The following WASF3 variants were observed in gnomAD, a reference collection of about 807,000 sequenced individuals.
WASF3 encodes WASP family member 3.
WASF3 carries 11 observed loss-of-function variants against 46.6 expected under a neutral mutation model. That is an observed-to-expected ratio of 0.24 (90% CI 0.15 to 0.39). WASF3 has a LOEUF of 0.39. Ranked by LOEUF, WASF3 falls within the 10% of genes least tolerant of loss-of-function variation. The pLI is 1.00. For synonymous variants in WASF3, 242 were observed against 259.7 expected (o/e 0.93, Z 0.65); for missense variants, 576 against 669.8 (o/e 0.86, Z 1.55).
At chr13:26,632,359 T>G (rs900058834) in intron 2 of WASF3, among the ~76,000 whole-genome samples, 2 of 152,194 alleles carry the variant, frequency 1.3e-5, no homozygotes, top group Admixed American at 1.3e-4. Flanking sequence ...AATACCTAGT[T>G]TATTGAGAGT....
intron 2 of WASF3, among the ~76,000 whole-genome samples, chr13:26,621,051 T>A (rs1881290457): frequency 6.6e-6 from 1 of 152,186 alleles, no homozygotes; most frequent in South Asian, 2.1e-4. Flanking sequence ...AAACGTCTGT[T>A]GAATAGCTTC....
chr13:26,639,939 T>G (rs1168209253), intron 2 of WASF3: 1 of 152,312 alleles, frequency 6.6e-6, no homozygotes. Context: ...CAGTGGGCTC[T>G]CAGCTTGGGG....
chr13:26,640,477 C>G (rs1439170927), intron 2 of WASF3: 4 of 151,754 alleles, frequency 2.6e-5, no homozygotes, highest in Non-Finnish European at 5.9e-5. Context: ...TTTTGGCTCA[C>G]TGCAATCTCT....
At chr13:26,636,127 A>G (rs1166000568) in intron 2 of WASF3, among the ~76,000 whole-genome samples, 3 of 152,254 alleles carry the variant, frequency 2.0e-5, no homozygotes, top group Admixed American at 1.3e-4. Flanking sequence ...GGTGGAGTCT[A>G]TAGAGGCAGT....
intron 7 of WASF3, among the ~76,000 whole-genome samples, chr13:26,678,104 C>A (rs555949378): frequency 1.4e-5 from 2 of 139,054 alleles, no homozygotes; most frequent in Admixed American, 1.4e-4. Flanking sequence ...TCTTAATTTT[C>A]AAAAAATAAG....
At chr13:26,602,118 A>G (rs957633866) in intron 1 of WASF3, among the ~76,000 whole-genome samples, 3 of 152,192 alleles carry the variant, frequency 2.0e-5, no homozygotes, top group Admixed American at 1.3e-4. Flanking sequence ...TGAGACTCAA[A>G]CAGTACTAAC....
At chr13:26,623,660 TC>T (rs138070064) in intron 2 of WASF3, among the ~76,000 whole-genome samples, 162 of 152,258 alleles carry the variant, frequency 1.1e-3, no homozygotes, top group Non-Finnish European at 1.2e-3. Flanking sequence ...GATGCACAGA[TC>T]CTGAGAAGGC....
intron 1 of WASF3, among the ~76,000 whole-genome samples, chr13:26,604,094 G>A (rs151053882): frequency 1.1e-4 from 16 of 152,298 alleles, no homozygotes; most frequent in African/African-American, 3.8e-4. Context: ...TGGGACTTAG[G>A]TGAGATAGAT....
At chr13:26,582,451 G>C (rs894374526) in intron 1 of WASF3, among the ~76,000 whole-genome samples, 1 of 151,978 alleles carries the variant, frequency 6.6e-6, no homozygotes, top group Non-Finnish European at 1.5e-5. Context: ...CGAGGTGGGC[G>C]GATTGCCTGA....
chr13:26,670,591 T>A (rs1378533052), intron 5 of WASF3, among the ~76,000 whole-genome samples: 3 of 152,224 alleles, frequency 2.0e-5, no homozygotes, highest in Non-Finnish European at 4.4e-5. Flanking sequence ...CTCCATTTTT[T>A]AAAAAACAAA....
intron 3 of WASF3, among the ~76,000 whole-genome samples, chr13:26,653,834 C>T (rs1882389177): frequency 6.6e-6 from 1 of 152,212 alleles, no homozygotes; most frequent in Non-Finnish European, 1.5e-5. Context: ...CAACTGTCCA[C>T]TCGGTGTCTT....
In WASF3 at chr13:26,576,731, A is replaced by G. The variant is rs150930335; in HGVS notation, c.-109+18912A>G. 5.6e-3 allele frequency among the ~76,000 whole-genome samples: 856 copies of G among 152,370 alleles called. 10 individuals carry two copies. The highest frequency in any genetic ancestry group is 0.02 in the African/African-American group (817 of 41,588). On this transcript the variant is annotated intron_variant, in intron 1 of 9. Transcript: ENST00000335327. ...TGTAGAATTACAGTTAACTTTAAAA[A>G]TAACTTTATTGTGGAACAATAATAG... is the stretch of plus-strand genomic sequence containing the variant.
rs141398735 is a variant in WASF3 at position 26,616,760 on chromosome 13, T to A, written c.-11+3702T>A. On this transcript the variant is annotated intron_variant, in intron 2 of 9. Coordinates refer to ENST00000335327, the MANE Select transcript of WASF3 (RefSeq NM_006646.6). ...GCTGTGCAGGACAGAAGACCCCTAA[T>A]TAGTGAATATGTTTGCATGGCTGGG... Among the ~76,000 whole-genome samples the A allele has an allele frequency of 3.2e-4, 48 of 152,302 alleles. No homozygotes were observed. In the East Asian group the frequency reaches 8.3e-3, roughly 26 times the overall value.
chr13:26,573,917 T>C (rs1343339144), intron 1 of WASF3, among the ~76,000 whole-genome samples: 1 of 152,214 alleles, frequency 6.6e-6, no homozygotes, highest in Non-Finnish European at 1.5e-5. Flanking sequence ...ATCATTATTA[T>C]GTAGTTTTGT....
chr13:26,545,907 A>G, the WASF3 span, among the ~76,000 whole-genome samples: 1 of 152,178 alleles, frequency 6.6e-6, no homozygotes, highest in African/African-American at 2.4e-5. Context: ...CCCAGCCTCT[A>G]TTTTATTTTT....
At chr13:26,561,052 A>G (rs114660165) in intron 1 of WASF3, among the ~76,000 whole-genome samples, 2,676 of 152,212 alleles carry the variant, frequency 0.018, 33 homozygotes, top group African/African-American at 0.034. Context: ...CACAAACACC[A>G]GGAGTTCAGT....
intron 1 of WASF3, among the ~76,000 whole-genome samples, chr13:26,587,102 CA>C (rs57542558): frequency 0.023 from 1,458 of 64,254 alleles, 22 homozygotes; most frequent in African/African-American, 0.069. Context: ...GACCCTGCCT[CA>C]AAAAAAAAAA....
intron 5 of WASF3, among the ~76,000 whole-genome samples, chr13:26,671,220 G>C (rs1313837238): frequency 6.6e-6 from 1 of 152,136 alleles, no homozygotes; most frequent in African/African-American, 2.4e-5. Context: ...CTTATATGAA[G>C]ACTTAAAATA....
At chr13:26,608,803 G>A (rs1428391969) in intron 1 of WASF3, among the ~76,000 whole-genome samples, 6 of 152,062 alleles carry the variant, frequency 3.9e-5, no homozygotes, top group African/African-American at 1.4e-4. Flanking sequence ...ATTCATATTC[G>A]ACATTCTTAC....
Sources: gnomAD v4.1 joint callset for allele counts (sites outside exome capture counted in the v4.1 genomes callset) on GRCh38, gnomAD v4.1.1 for gene constraint, MANE v1.5 for transcripts, NCBI Gene and HGNC (gene_info 2026-07-23, HGNC 2026-07-21) for gene names.